ROBO1: variants seen among roughly 807,000 people sequenced by gnomAD.
The protein encoded by ROBO1 is roundabout homolog 1.
ROBO1 carries 149 observed loss-of-function variants against 195.9 expected under a neutral mutation model. That is an observed-to-expected ratio of 0.76 (90% CI 0.67 to 0.87). The LOEUF is 0.87. Among genes scored for constraint, ROBO1 ranks in the 40% least tolerant of loss-of-function variants. The pLI is 0.00. For synonymous variants in ROBO1, 816 were observed against 733.2 expected (o/e 1.11, Z -1.82); for missense variants, 1,933 against 2,068.3 (o/e 0.93, Z 1.27).
At chr3:79,138,756 C>T (rs909747595) in intron 2 of ROBO1, among the ~76,000 whole-genome samples, 1 of 151,216 alleles carries the variant, frequency 6.6e-6, no homozygotes, top group Non-Finnish European at 1.5e-5. Flanking sequence ...TTAAATATTG[C>T]CAGGTAGATG....
chr3:79,746,967 A>G (rs1703904349), intron 1 of ROBO1, among the ~76,000 whole-genome samples: 1 of 152,082 alleles, frequency 6.6e-6, no homozygotes, highest in Admixed American at 6.6e-5. Context: ...ACTTTGCTAA[A>G]TAAGAAAGCT....
chr3:79,139,166 T>G (rs971132603), intron 2 of ROBO1, among the ~76,000 whole-genome samples: 3 of 151,510 alleles, frequency 2.0e-5, no homozygotes, highest in African/African-American at 7.3e-5. Context: ...CTATTATATA[T>G]GTATATATAA....
intron 2 of ROBO1, among the ~76,000 whole-genome samples, chr3:79,535,670 T>A (rs546163287): frequency 6.6e-6 from 1 of 152,010 alleles, no homozygotes; most frequent in Non-Finnish European, 1.5e-5. Context: ...CTCAGAAATG[T>A]ATTTTTTTTA....
intron 1 of ROBO1, among the ~76,000 whole-genome samples, chr3:79,654,431 G>A (rs1427784660): frequency 6.6e-6 from 1 of 151,782 alleles, no homozygotes. Context: ...TTACATAAGA[G>A]AAAATTGAAT....
At chr3:79,271,694 G>A (rs920082987) in intron 2 of ROBO1, among the ~76,000 whole-genome samples, 1 of 150,652 alleles carries the variant, frequency 6.6e-6, no homozygotes, top group African/African-American at 2.4e-5. Flanking sequence ...ATGTATATGT[G>A]TATATATATA....
At chr3:79,227,666 C>T (rs2082249964) in intron 2 of ROBO1, among the ~76,000 whole-genome samples, 1 of 152,156 alleles carries the variant, frequency 6.6e-6, no homozygotes, top group Non-Finnish European at 1.5e-5. Flanking sequence ...AATCTCTCTA[C>T]CTCCAGTGCC....
At chr3:79,340,034 C>T (rs1168565115) in intron 2 of ROBO1, among the ~76,000 whole-genome samples, 1 of 152,112 alleles carries the variant, frequency 6.6e-6, no homozygotes, top group African/African-American at 2.4e-5. Flanking sequence ...GTATGTTGGC[C>T]CCACCCACTT....
At chr3:79,421,901 C>A (rs940403294) in intron 2 of ROBO1, among the ~76,000 whole-genome samples, 1 of 151,784 alleles carries the variant, frequency 6.6e-6, no homozygotes, top group Non-Finnish European at 1.5e-5. Flanking sequence ...TTGCACAAAA[C>A]CACATAGCTA....
intron 4 of ROBO1, among the ~76,000 whole-genome samples, chr3:78,754,068 C>A (rs900686789): frequency 6.6e-6 from 1 of 152,096 alleles, no homozygotes; most frequent in Non-Finnish European, 1.5e-5. Flanking sequence ...TTAACAGGTA[C>A]GTTCACAATG....
chr3:79,136,934 G>A (rs7349498), intron 2 of ROBO1, among the ~76,000 whole-genome samples: 16,271 of 152,016 alleles, frequency 0.11, 1,013 homozygotes, highest in East Asian at 0.2. Context: ...AGAAATCTAT[G>A]TACTGTAGAA....
At chr3:79,177,834 G>C (rs898147182) in intron 2 of ROBO1, among the ~76,000 whole-genome samples, 1 of 152,072 alleles carries the variant, frequency 6.6e-6, no homozygotes, top group African/African-American at 2.4e-5. Context: ...ATTCTTAAAG[G>C]TTATATATAA....
At chr3:79,356,911 T>A (rs1234677956) in intron 2 of ROBO1, among the ~76,000 whole-genome samples, 1 of 152,278 alleles carries the variant, frequency 6.6e-6, no homozygotes, top group South Asian at 2.1e-4. Flanking sequence ...TTCAAGCCAT[T>A]TAGTATTTGA....
rs538237022 is a variant in ROBO1, at chr3:79,729,944, T to C, written c.-51+37808A>G. On this transcript the variant is annotated intron_variant, in intron 1 of 30. Transcript: ENST00000464233. Reference sequence around the variant, plus strand: ...ATTTTATGGCCCATCCCATGATTTCTCTGTGAAAGATCTTGCCAACCATTG... The same window carrying C: ...ATTTTATGGCCCATCCCATGATTTCCCTGTGAAAGATCTTGCCAACCATTG... 7.9e-5 allele frequency among the ~76,000 whole-genome samples: 12 copies of C among 152,340 alleles called. No homozygotes were observed. The South Asian group carries it at 2.5e-3, about 32-fold the overall frequency.
chr3:79,702,806 A>C (rs567302967), intron 1 of ROBO1, among the ~76,000 whole-genome samples: 1 of 152,074 alleles, frequency 6.6e-6, no homozygotes, highest in South Asian at 2.1e-4. Flanking sequence ...ACCTGTCAGC[A>C]TCCATTCCCC....
chr3:78,621,803 G>A (rs1246493381), intron 26 of ROBO1, among the ~76,000 whole-genome samples: 3 of 152,162 alleles, frequency 2.0e-5, no homozygotes, highest in African/African-American at 7.2e-5. Context: ...ATGTTCAAGA[G>A]AAAAGCGGAA....
At chr3:79,410,950 G>C (rs1308387044) in intron 2 of ROBO1, among the ~76,000 whole-genome samples, 1 of 152,046 alleles carries the variant, frequency 6.6e-6, no homozygotes, top group Non-Finnish European at 1.5e-5. Flanking sequence ...AGCCTACTTT[G>C]AATCTTCTTC....
chr3:79,036,347 T>C (rs2108317262), intron 3 of ROBO1, among the ~76,000 whole-genome samples: 1 of 152,266 alleles, frequency 6.6e-6, no homozygotes, highest in African/African-American at 2.4e-5. Flanking sequence ...TATTCATCTT[T>C]TCCTTTCCAC....
chr3:79,042,206 A>G (rs185322136), intron 3 of ROBO1, among the ~76,000 whole-genome samples: 1 of 152,332 alleles, frequency 6.6e-6, no homozygotes, highest in East Asian at 1.9e-4. Flanking sequence ...TTGTTCATTC[A>G]TTCAACAATA....
At chr3:79,378,549 T>C (rs545257383) in intron 2 of ROBO1, among the ~76,000 whole-genome samples, 12 of 152,348 alleles carry the variant, frequency 7.9e-5, no homozygotes, top group South Asian at 4.1e-4. Context: ...GGCAAGAGTT[T>C]ATTAAATTTT....
Sources: gnomAD v4.1 joint callset for allele counts (sites outside exome capture counted in the v4.1 genomes callset) on GRCh38, gnomAD v4.1.1 for gene constraint, MANE v1.5 for transcripts, NCBI Gene and HGNC (gene_info 2026-07-23, HGNC 2026-07-21) for gene names.